Variants in DOCK10 observed in about 807,000 individuals in gnomAD.
DOCK10 encodes the protein dedicator of cytokinesis 10.
A neutral mutation model predicts 280.1 loss-of-function variants in DOCK10; 145 were observed. The observed-to-expected ratio is 0.52, with a 90% confidence interval of 0.45 to 0.59. The LOEUF is 0.59. Among genes scored for constraint, DOCK10 ranks in the 20% least tolerant of loss-of-function variants. DOCK10 has a pLI of 0.00. For missense variants in DOCK10, 2,368 were observed against 2,651.7 expected, an observed-to-expected ratio of 0.89 and a Z score of 2.35; for synonymous variants, 915 against 942.2, an observed-to-expected ratio of 0.97 and a Z score of 0.53.
At chr2:224,799,002 A>T (rs1692786967) in intron 41 of DOCK10, among the ~76,000 whole-genome samples, 1 of 152,202 alleles carries the variant, frequency 6.6e-6, no homozygotes, top group African/African-American at 2.4e-5. Flanking sequence ...TGTTTTTAAT[A>T]GTTTTATTGA....
chr2:224,979,407 T>A (rs1031809367), intron 1 of DOCK10, among the ~76,000 whole-genome samples: 4 of 152,196 alleles, frequency 2.6e-5, no homozygotes, highest in Non-Finnish European at 5.9e-5. Context: ...TGGCCCAGGC[T>A]CTTAACCTCT....
chr2:224,856,656 T>C (rs1034731309), intron 15 of DOCK10, among the ~76,000 whole-genome samples: 4 of 152,324 alleles, frequency 2.6e-5, no homozygotes, highest in East Asian at 3.9e-4. Context: ...ATAACTGACA[T>C]AGTTTAACAT....
chr2:224,785,998 C>G (rs1691707423), intron 50 of DOCK10, among the ~76,000 whole-genome samples: 1 of 152,058 alleles, frequency 6.6e-6, no homozygotes, highest in Non-Finnish European at 1.5e-5. Context: ...AGTTCAAGAC[C>G]AGCCTGGCCA....
intron 1 of DOCK10, among the ~76,000 whole-genome samples, chr2:225,030,249 C>T (rs1690039976): frequency 6.6e-6 from 1 of 151,848 alleles, no homozygotes; most frequent in African/African-American, 2.4e-5. Flanking sequence ...AGAGTCATTA[C>T]AATGCTCTAA....
intron 18 of DOCK10, among the ~76,000 whole-genome samples, chr2:224,852,169 G>A (rs562940775): frequency 1.3e-5 from 2 of 152,218 alleles, no homozygotes; most frequent in African/African-American, 4.8e-5. Context: ...TTCCCAAGTC[G>A]TGAAAAGCTA....
intron 18 of DOCK10, among the ~76,000 whole-genome samples, chr2:224,852,104 A>G (rs1042296998): frequency 3.3e-5 from 5 of 152,210 alleles, no homozygotes; most frequent in African/African-American, 9.6e-5. Context: ...GAAAAAGGCA[A>G]CATTTTCCAC....
In DOCK10 at chr2:224,864,973, C is replaced by A. The variant is rs746993478; in HGVS notation, c.1372G>T (p.Ala458Ser). 1.9e-6 allele frequency: 3 copies of A among 1,613,862 alleles called. No homozygotes were observed. The highest frequency in any genetic ancestry group is 2.5e-6 in the Non-Finnish European group (3 of 1,179,852). ...TTGCCATTTTCCAAAGCCACAGAAG[C>A]CCCCAAGAGCATCTGTCTGACAGCA... ...HAAVRQMLLG[A>S]SVALENGNID... Residue 458 changes from alanine to serine, a missense_variant, in exon 12 of 56, where the codon GCT becomes TCT. By Grantham distance (99) the Ala-to-Ser change is moderately conservative. Around this residue, in one of 2 missense-constraint regions of DOCK10, gnomAD observed 1,209 missense variants for 1,250.9 expected, o/e 0.97. Transcript: ENST00000258390.
intron 7 of DOCK10, among the ~76,000 whole-genome samples, chr2:224,882,853 C>T (rs183810875): frequency 6.6e-6 from 1 of 152,172 alleles, no homozygotes; most frequent in African/African-American, 2.4e-5. Context: ...CACTATTTCA[C>T]TCAAATTCTC....
chr2:224,922,303 A>C (rs775948219), intron 2 of DOCK10, among the ~76,000 whole-genome samples: 3 of 152,244 alleles, frequency 2.0e-5, no homozygotes, highest in Non-Finnish European at 4.4e-5. Context: ...GTTACAAAGA[A>C]TTTTTTCTTT....
At chr2:224,873,720 T>G (rs1698444646) in intron 11 of DOCK10, among the ~76,000 whole-genome samples, 1 of 152,124 alleles carries the variant, frequency 6.6e-6, no homozygotes, top group South Asian at 2.1e-4. Context: ...CTTTAATGCT[T>G]TTTCTTTAAG....
chr2:224,912,346 G>A (rs562635381), intron 3 of DOCK10, among the ~76,000 whole-genome samples: 1 of 152,076 alleles, frequency 6.6e-6, no homozygotes, highest in African/African-American at 2.4e-5. Flanking sequence ...TGTTGGTCAG[G>A]CTGGTCTCAA....
chr2:225,019,916 T>C (rs905552777), intron 1 of DOCK10, among the ~76,000 whole-genome samples: 1 of 152,234 alleles, frequency 6.6e-6, no homozygotes, highest in Non-Finnish European at 1.5e-5. Flanking sequence ...TTGACAAAGC[T>C]GAACCAACAA....
intron 1 of DOCK10, among the ~76,000 whole-genome samples, chr2:224,989,427 T>C (rs914006694): frequency 6.6e-6 from 1 of 152,186 alleles, no homozygotes; most frequent in Admixed American, 6.5e-5. Flanking sequence ...CACAGCATCA[T>C]TGTCATCATT....
rs1412416042 is a variant in DOCK10, at chr2:225,035,555, T to TTATG, written c.123+6696_123+6697insCATA. On this transcript the variant is annotated intron_variant, in intron 1 of 55. Transcript: ENST00000258390. The stretch of plus-strand genomic sequence containing the variant: ...ATATGATATATATTATATATATATA[T>TTATG]ATATATATATATATATATATATATA... Among the ~76,000 whole-genome samples the TTATG allele has an allele frequency of 3.1e-4, 11 of 35,510 alleles. 1 individual carries two copies. The highest frequency in any genetic ancestry group is 1.3e-3 in the African/African-American group (11 of 8,702). The allele number at this position is 35,510 out of a possible 152,430, so 23.3% of individuals were successfully genotyped here. A position where few individuals can be genotyped will look rare whatever the true frequency, so the allele number is the denominator to read the frequency against.
At chr2:224,891,766 T>G (rs746456935) in intron 4 of DOCK10, among the ~76,000 whole-genome samples, 2 of 152,208 alleles carry the variant, frequency 1.3e-5, no homozygotes, top group Non-Finnish European at 2.9e-5. Flanking sequence ...TTAAAAATTA[T>G]GCAGACCAGA....
At chr2:224,925,743 T>TTTATGGTTTTG (rs935978807) in intron 2 of DOCK10, among the ~76,000 whole-genome samples, 2 of 152,340 alleles carry the variant, frequency 1.3e-5, no homozygotes, top group African/African-American at 4.8e-5. Context: ...AACTTTCTTA[T>TTTATGGTTTTG]TTATGGTTTT....
At chr2:224,892,483 G>T (rs1699754348) in intron 4 of DOCK10, among the ~76,000 whole-genome samples, 1 of 150,712 alleles carries the variant, frequency 6.6e-6, no homozygotes, top group Non-Finnish European at 1.5e-5. Context: ...GAAGAGCGAT[G>T]AGTGATCCTT....
At chr2:224,824,824 A>G (rs1694735426) in intron 27 of DOCK10, among the ~76,000 whole-genome samples, 1 of 152,142 alleles carries the variant, frequency 6.6e-6, no homozygotes, top group South Asian at 2.1e-4. Context: ...CATGGAATTT[A>G]GAGTTACACT....
At chr2:224,860,951 T>G (rs1054288628) in intron 14 of DOCK10, 2 of 152,168 alleles carry the variant, frequency 1.3e-5, no homozygotes, top group African/African-American at 4.8e-5. Flanking sequence ...CAGAGCAATG[T>G]TGGATCCTTA....
Sources: allele counts gnomAD v4.1 joint callset (sites outside exome capture counted in the v4.1 genomes callset), GRCh38; gene constraint gnomAD v4.1.1; regional missense constraint gnomAD v4.1.1; transcripts MANE v1.5; gene names NCBI Gene and HGNC (gene_info 2026-07-23, HGNC 2026-07-21).